ADAMTS17: variants seen among roughly 807,000 people sequenced by gnomAD.
The protein encoded by ADAMTS17 is ADAM metallopeptidase with thrombospondin type 1 motif 17, also known as A disintegrin and metalloproteinase with thrombospondin motifs 17.
In ADAMTS17, 113 loss-of-function variants were observed where a neutral mutation model predicts 141.5. The ratio of observed to expected loss-of-function variants is 0.80; its 90% CI spans 0.69 to 0.93. The LOEUF is 0.93. ADAMTS17 is among the 40% of genes least tolerant of loss of function. The pLI is 0.00. For missense variants in ADAMTS17, 1,659 were observed against 1,517.9 expected (o/e 1.09, Z -1.54); for synonymous variants, 768 against 630.6 (o/e 1.22, Z -3.27).
rs1475360906 is a variant in ADAMTS17 at position 100,211,132 on chromosome 15, AAAT to A, written c.1076-11712_1076-11710del. On this transcript the variant is annotated intron_variant, in intron 7 of 21. Coordinates refer to ENST00000268070, the MANE Select transcript of ADAMTS17 (RefSeq NM_139057.4). ...TAAATAAATAAATAAATAAATAAAT[AAAT>A]AAATAAAAATACAAAAATTAGCAGG... is the stretch of plus-strand genomic sequence containing the variant. 4.7e-5 allele frequency among the ~76,000 whole-genome samples: 7 copies of A among 149,498 alleles called. No homozygotes were observed. The East Asian group carries it at 1.4e-3, about 29-fold the overall frequency.
chr15:100,026,247 C>T (rs1003008865), intron 18 of ADAMTS17, among the ~76,000 whole-genome samples: 1 of 152,302 alleles, frequency 6.6e-6, no homozygotes. Context: ...ATCATTGTGT[C>T]GTATTTCATT....
intron 20 of ADAMTS17, among the ~76,000 whole-genome samples, chr15:99,977,400 A>T (rs1440918907): frequency 6.7e-3 from 32 of 4,748 alleles, no homozygotes; most frequent in Admixed American, 0.015. Flanking sequence ...ATATATATAT[A>T]ATTTTTTTTT....
chr15:100,181,228 C>A (rs2040514275), intron 8 of ADAMTS17, among the ~76,000 whole-genome samples: 2 of 152,306 alleles, frequency 1.3e-5, no homozygotes, highest in East Asian at 3.9e-4. Context: ...CCCTCTGGCC[C>A]AGAACAGTCC....
intron 15 of ADAMTS17, among the ~76,000 whole-genome samples, chr15:100,086,492 A>T (rs944082710): frequency 6.6e-6 from 1 of 152,134 alleles, no homozygotes; most frequent in Non-Finnish European, 1.5e-5. Flanking sequence ...TGCACCAAGC[A>T]GACCTAATAG....
chr15:100,206,760 T>C (rs2041584883), intron 7 of ADAMTS17, among the ~76,000 whole-genome samples: 1 of 152,186 alleles, frequency 6.6e-6, no homozygotes, highest in African/African-American at 2.4e-5. Context: ...TGGGAATGGA[T>C]CGAATCTCCC....
At chr15:100,111,239 G>C (rs1335721634) in intron 13 of ADAMTS17, among the ~76,000 whole-genome samples, 1 of 152,198 alleles carries the variant, frequency 6.6e-6, no homozygotes, top group Non-Finnish European at 1.5e-5. Context: ...GGCCCCAGTG[G>C]GCTCATGGAC....
intron 20 of ADAMTS17, among the ~76,000 whole-genome samples, chr15:99,987,861 G>C (rs568107720): frequency 1.3e-5 from 2 of 152,274 alleles, no homozygotes; most frequent in African/African-American, 4.8e-5. Context: ...TCTCCTGGGT[G>C]ATGGCAGCAG....
chr15:100,090,305 A>C (rs1016062217), intron 15 of ADAMTS17, among the ~76,000 whole-genome samples: 1 of 151,810 alleles, frequency 6.6e-6, no homozygotes, highest in Non-Finnish European at 1.5e-5. Flanking sequence ...ACATACCTGC[A>C]AACAAGATCC....
chr15:100,038,564 C>T (rs1389913712), intron 18 of ADAMTS17, among the ~76,000 whole-genome samples: 1 of 151,912 alleles, frequency 6.6e-6, no homozygotes, highest in East Asian at 1.9e-4. Context: ...AAATTTATTC[C>T]AAAGTATTTT....
chr15:100,186,281 T>C (rs1392809896), intron 8 of ADAMTS17, among the ~76,000 whole-genome samples: 2 of 152,202 alleles, frequency 1.3e-5, no homozygotes, highest in Non-Finnish European at 2.9e-5. Flanking sequence ...GGCGAGTGCA[T>C]GGACTTCAAC....
chr15:100,074,180 C>T (rs550533419), intron 15 of ADAMTS17: 34 of 153,054 alleles, frequency 2.2e-4, no homozygotes, highest in Non-Finnish European at 3.2e-4. Context: ...TGGGGCGGTG[C>T]GGCCGTAGTC....
intron 14 of ADAMTS17, among the ~76,000 whole-genome samples, chr15:100,097,745 G>A (rs931005132): frequency 4.6e-5 from 7 of 152,342 alleles, no homozygotes; most frequent in African/African-American, 1.7e-4. Context: ...ATTTCTAATC[G>A]GCTCCCAGGA....
intron 4 of ADAMTS17, among the ~76,000 whole-genome samples, chr15:100,279,894 C>T (rs577649614): frequency 3.7e-4 from 57 of 152,144 alleles, no homozygotes; most frequent in Non-Finnish European, 6.6e-4. Flanking sequence ...CTACAGACAA[C>T]ACTCCCTAAT....
At chr15:100,149,505 T>G (rs1012151219) in intron 10 of ADAMTS17, among the ~76,000 whole-genome samples, 3 of 152,204 alleles carry the variant, frequency 2.0e-5, no homozygotes, top group African/African-American at 7.2e-5. Context: ...TCACCTGCTT[T>G]GACCTGAGTC....
chr15:100,072,686 G>A (rs1420891299), intron 15 of ADAMTS17, among the ~76,000 whole-genome samples: 2 of 152,144 alleles, frequency 1.3e-5, no homozygotes, highest in African/African-American at 2.4e-5. Context: ...AATGGTGGCG[G>A]GAAAACTGGC....
At chr15:100,068,574 C>G (rs568254759) in intron 15 of ADAMTS17, among the ~76,000 whole-genome samples, 10 of 152,212 alleles carry the variant, frequency 6.6e-5, no homozygotes, top group African/African-American at 9.6e-5. Flanking sequence ...AACGATCAGG[C>G]AGCAACATCT....
chr15:100,321,948 A>G (rs758604549), intron 3 of ADAMTS17, among the ~76,000 whole-genome samples: 3 of 152,238 alleles, frequency 2.0e-5, no homozygotes, highest in Non-Finnish European at 4.4e-5. Context: ...AAACAAAAAC[A>G]TCTATGTTCT....
At chr15:100,073,906 AAG>A (rs1168400862) in intron 15 of ADAMTS17, among the ~76,000 whole-genome samples, 1 of 75,494 alleles carries the variant, frequency 1.3e-5, no homozygotes, top group Non-Finnish European at 4.1e-5. Context: ...CTAAAACTTA[AAG>A]TATAATTAAA....
chr15:100,167,752 G>C (rs1251742852), intron 8 of ADAMTS17, among the ~76,000 whole-genome samples: 2 of 152,234 alleles, frequency 1.3e-5, no homozygotes. Flanking sequence ...ATGCGGCAGA[G>C]CAAGGGAGAT....
Sources: allele counts gnomAD v4.1 joint callset (sites outside exome capture counted in the v4.1 genomes callset), GRCh38; gene constraint gnomAD v4.1.1; transcripts MANE v1.5; gene names NCBI Gene and HGNC (gene_info 2026-07-23, HGNC 2026-07-21).